Variants in ITLN1 observed in about 807,000 individuals in gnomAD.
The protein encoded by ITLN1 is intelectin 1.
A neutral mutation model predicts 36.2 loss-of-function variants in ITLN1; 29 were observed. That is an observed-to-expected ratio of 0.80 (90% CI 0.60 to 1.09). The LOEUF (loss-of-function observed/expected upper bound fraction) is 1.09, where lower values mean the gene tolerates loss of function less well. Among genes scored for constraint, ITLN1 ranks in the 50% least tolerant of loss-of-function variants. The probability of loss-of-function intolerance (pLI) is 0.00; values close to 1 mark genes in which losing one functional copy is unlikely to be tolerated. For synonymous variants in ITLN1, 143 were observed against 146.5 expected, an observed-to-expected ratio of 0.98 and a Z score of 0.17; for missense variants, 358 against 405.2, an observed-to-expected ratio of 0.88 and a Z score of 1.00.
At position 160,883,539 on chromosome 1, in the gene ITLN1, C is replaced by G; in HGVS notation, c.59-13G>C. The G allele has an allele frequency of 6.4e-7, 1 of 1,560,584 alleles. No homozygotes were observed. The highest frequency in any genetic ancestry group is 8.8e-7 in the Non-Finnish European group (1 of 1,131,756). ...GTATTAGCCTCATCTAGGGAATACACAGGGTTTATTCTCATTCCCGGTTTG... is the reference window on the plus strand; with the variant it reads ...GTATTAGCCTCATCTAGGGAATACAGAGGGTTTATTCTCATTCCCGGTTTG... On this transcript the variant is annotated splice_polypyrimidine_tract_variant and intron_variant, in intron 2 of 7. Transcript: ENST00000326245.
intron 2 of ITLN1, 102 bp downstream of exon 2, chr1:160,884,718 A>T: frequency 2.5e-6 from 2 of 786,900 alleles, no homozygotes; most frequent in Non-Finnish European, 2.2e-6. Context: ...CATGCAAGCC[A>T]GCCGCTGTGC....
chr1:160,877,149 A>T (rs1172963691), intron 7 of ITLN1, among the ~76,000 whole-genome samples: 1 of 151,630 alleles, frequency 6.6e-6, no homozygotes, highest in African/African-American at 2.4e-5. Flanking sequence ...AGGCAGGAGA[A>T]TTGCTTGAAC....
rs754433389 is a variant in ITLN1, at chr1:160,881,220, CAGGG to C, written c.494_497del (p.Ser165CysfsTer2). 1.6e-5 allele frequency: 26 copies of C among 1,613,780 alleles called. No homozygotes were observed. Among genetic ancestry groups the C allele is most frequent in the Non-Finnish European group, 2.2e-5 (26 of 1,179,844 alleles). ...AGCCAGTGTCCGTGCGGTACCTCAGCAGGGAGCTGTTTCTCCAGTGCTGCATGGG... is the reference window on the plus strand; with the variant it reads ...AGCCAGTGTCCGTGCGGTACCTCAGCAGCTGTTTCTCCAGTGCTGCATGGG... On this transcript the variant is annotated frameshift_variant, in exon 5 of 8. Transcript: ENST00000326245. LOFTEE classifies it high-confidence loss of function.
rs1456166072 is a variant in ITLN1 at position 160,883,490 on chromosome 1, G to A, written c.95C>T (p.Ser32Phe). ...ANTYFKEWTC[S>F]SSPSLPRSCK... is the part of the protein sequence containing the mutation. ...GCTTCTGGGCAGAGATGGAGACGAA[G>A]AACAGGTCCATTCCTTGAAGTAAGT... The change falls in exon 3 of 8, where the codon TCT becomes TTT. Residue 32 changes from serine to phenylalanine, a missense_variant. By Grantham distance (155) the Ser-to-Phe change is radical. Transcript: ENST00000326245. The A allele has an allele frequency of 6.2e-7, 1 of 1,613,262 alleles. No homozygotes were observed. The highest frequency in any genetic ancestry group is 8.5e-7 in the Non-Finnish European group (1 of 1,179,378).
At chr1:160,883,031 A>G (rs1670705867) in intron 3 of ITLN1, among the ~76,000 whole-genome samples, 2 of 151,864 alleles carry the variant, frequency 1.3e-5, no homozygotes, top group African/African-American at 2.4e-5. Context: ...TCCACACCCA[A>G]TTGATTTTTG....
At chr1:160,884,234 G>A (rs1292272997) in intron 2 of ITLN1, among the ~76,000 whole-genome samples, 2 of 152,060 alleles carry the variant, frequency 1.3e-5, no homozygotes, top group Non-Finnish European at 2.9e-5. Flanking sequence ...AGTAGGGAGT[G>A]GTGAGACTAA....
rs146103631 is a variant in ITLN1 at position 160,881,210 on chromosome 1, G to A, written c.508C>T (p.Arg170Cys). The change falls in exon 5 of 8, where the codon CGC becomes TGC. Residue 170 changes from arginine to cysteine, a missense_variant. Arg to Cys is a radical substitution (Grantham distance 180). Transcript: ENST00000326245. ...GTCTGGAGGAAGCCAGTGTCCGTGC[G>A]GTACCTCAGCAGGGAGCTGTTTCTC... ...HWRNSSLLRY[R>C]TDTGFLQTLG... 3.4e-5 allele frequency: 55 copies of A among 1,613,690 alleles called. No individual in the cohort carries two copies. Among genetic ancestry groups the A allele is most frequent in the East Asian group, 6.7e-5 (3 of 44,870 alleles).
In ITLN1 at chr1:160,876,696, T is replaced by C; in HGVS notation, c.910A>G (p.Thr304Ala). The C allele has an allele frequency of 6.2e-7, 1 of 1,614,198 alleles. No individual in the cohort carries two copies. The highest frequency in any genetic ancestry group is 8.5e-7 in the Non-Finnish European group (1 of 1,180,040). ...TAGAATAGAAGCACAGCTGCCTCAG[T>C]TATCTCACGGCTGCTGCTGTAACCA... ...HVGYSSSREI[T>A]EAAVLLFYR The change falls in exon 8 of 8, where the codon ACT becomes GCT. Residue 304 changes from threonine (T) to alanine (A), a missense_variant. Transcript: ENST00000326245.
At chr1:160,883,594 T>C in intron 2 of ITLN1, 68 bp from the exon 3 acceptor site, 1 of 1,093,966 alleles carries the variant, frequency 9.1e-7, no homozygotes, top group East Asian at 2.4e-5. Flanking sequence ...CTATCACTAG[T>C]CCCACGCTCA....
In ITLN1 at chr1:160,885,168, C is replaced by T. The variant is rs1670739512; in HGVS notation, c.-114G>A. On this transcript the variant is annotated 5_prime_UTR_variant, in exon 1 of 8. Coordinates refer to ENST00000326245, the MANE Select transcript of ITLN1 (RefSeq NM_017625.3). ...GAGTGCAGCTTTCTCCAAAAACGCT[C>T]CTGATGTGGAATGAGGTGCAGAAAG... The T allele has an allele frequency of 3.2e-6, 1 of 312,048 alleles. No individual in the cohort carries two copies. Among genetic ancestry groups the T allele is most frequent in the Non-Finnish European group, 6.0e-6 (1 of 167,230 alleles). The allele number at this position is 312,048 out of a possible 1,614,324, so 19.3% of individuals were successfully genotyped here. A position where few individuals can be genotyped will look rare whatever the true frequency, so the allele number is the denominator to read the frequency against.
intron 2 of ITLN1, 62 bp from the exon 3 acceptor site, chr1:160,883,588 C>G: frequency 8.8e-7 from 1 of 1,136,376 alleles, no homozygotes; most frequent in Non-Finnish European, 1.3e-6. Context: ...CCTCTCCTAT[C>G]ACTAGTCCCA....
chr1:160,879,202 C>T lies in ITLN1; in HGVS notation c.789+109G>A, dbSNP rs113174379. ...CAAGAGAAGGTCACACTCCCACACA[C>T]GTACACACACACCCCAGTCATACCA... is the stretch of plus-strand genomic sequence containing the variant. On this transcript the variant is annotated intron_variant, in intron 7 of 7. Coordinates refer to ENST00000326245, the MANE Select transcript of ITLN1 (RefSeq NM_017625.3). The T allele has an allele frequency of 3.1e-3, 2,604 of 828,350 alleles. 48 individuals carry two copies. In the African/African-American group the frequency reaches 0.039, roughly 12 times the overall value. The allele number at this position is 828,350 out of a possible 1,614,324, so 51.3% of individuals were successfully genotyped here. A position where few individuals can be genotyped will look rare whatever the true frequency, so the allele number is the denominator to read the frequency against.
At chr1:160,880,251 G>A (rs1670654363) in intron 6 of ITLN1, among the ~76,000 whole-genome samples, 1 of 151,646 alleles carries the variant, frequency 6.6e-6, no homozygotes, top group Non-Finnish European at 1.5e-5. Context: ...GTTGCAGTGA[G>A]CTGAGACTGC....
intron 4 of ITLN1, 130 bp downstream of exon 4, chr1:160,881,827 A>AAATT: frequency 1.1e-6 from 1 of 941,644 alleles, no homozygotes; most frequent in Non-Finnish European, 1.6e-6. Flanking sequence ...AAAAAAAAAG[A>AAATT]TATAAGTATT....
chr1:160,883,393 C>T (rs1390939338), intron 3 of ITLN1, 35 bp downstream of exon 3: 1 of 1,436,100 alleles, frequency 7.0e-7, no homozygotes, highest in Admixed American at 1.7e-5. Context: ...TCCTGATACC[C>T]TGACTGAGCT....
Position 160,876,650 on chromosome 1 carries a change from C to T in ITLN1, c.*14G>A. ...GGTTGGGAGGAGAGGTCTGGGTTCC[C>T]TCCCACAAAACTCTCAACGATAGAA... On this transcript the variant is annotated 3_prime_UTR_variant, in exon 8 of 8. Coordinates refer to ENST00000326245, the MANE Select transcript of ITLN1 (RefSeq NM_017625.3). 6.2e-7 allele frequency: 1 copy of T among 1,613,788 alleles called. No homozygotes were observed. The highest frequency in any genetic ancestry group is 8.5e-7 in the Non-Finnish European group (1 of 1,179,784).
At chr1:160,881,115 C>T (rs1557855919) in intron 5 of ITLN1, 39 bp downstream of exon 5, 12 of 1,562,878 alleles carry the variant, frequency 7.7e-6, no homozygotes, top group South Asian at 2.4e-5. Flanking sequence ...CTTCTCTGTA[C>T]ACCCATGAAA....
Position 160,879,475 on chromosome 1 carries a change from C to A in ITLN1, c.686-61G>T, listed in dbSNP as rs568821511. On this transcript the variant is annotated intron_variant, in intron 6 of 7. Coordinates refer to ENST00000326245, the MANE Select transcript of ITLN1 (RefSeq NM_017625.3). ...GATGCTAGAAATTGCTTTCCTTAGG[C>A]CAGCCCAGAGGCTCTCGATGCCAAA... The A allele has an allele frequency of 2.2e-6, 3 of 1,351,486 alleles. No homozygotes were observed. In the South Asian group the frequency reaches 3.5e-5, roughly 16 times the overall value. The allele number at this position is 1,351,486 out of a possible 1,614,324, so 83.7% of individuals were successfully genotyped here.
chr1:160,884,756 G>C (rs1571144171), intron 2 of ITLN1, 64 bp downstream of exon 2: 3 of 1,112,100 alleles, frequency 2.7e-6, no homozygotes, highest in Non-Finnish European at 4.1e-6. Context: ...TGTGTCCTGG[G>C]AGAGACCAGG....
Sources: allele counts gnomAD v4.1 joint callset (sites outside exome capture counted in the v4.1 genomes callset), GRCh38; gene constraint gnomAD v4.1.1; transcripts MANE v1.5; gene names NCBI Gene and HGNC (gene_info 2026-07-23, HGNC 2026-07-21).